The following AP4M1 variants were observed in gnomAD, a reference collection of about 807,000 sequenced individuals.
AP4M1 encodes adaptor related protein complex 4 subunit mu 1.
AP4M1 carries 58 observed loss-of-function variants against 62.4 expected under a neutral mutation model. That is an observed-to-expected ratio of 0.93 (90% CI 0.75 to 1.16). The LOEUF (loss-of-function observed/expected upper bound fraction) is 1.16, where lower values mean the gene tolerates loss of function less well. Among genes scored for constraint, AP4M1 ranks in the 50% most tolerant of loss-of-function variants. The pLI, the probability that AP4M1 is intolerant of heterozygous loss-of-function variation, is 0.00. For missense variants in AP4M1, 626 were observed against 585.4 expected (o/e 1.07, Z -0.72); for synonymous variants, 290 against 239.7 (o/e 1.21, Z -1.94).
At chr7:100,105,150 C>T in intron 9 of AP4M1, 52 bp downstream of exon 9, 1 of 1,612,818 alleles carries the variant, frequency 6.2e-7, no homozygotes, top group Non-Finnish European at 8.5e-7. Flanking sequence ...TGCCAGAGTT[C>T]ATGGAGAGAA....
At position 100,108,634 on chromosome 7, in the gene AP4M1, G is replaced by T. The variant is rs750135146; in HGVS notation, c.*1752G>T. Reference sequence around the variant, plus strand: ...TGACACTCTTGAGAAGAACCTTGGGGATGGGGTAAAAAAGGACATTCCTTA... The same window carrying T: ...TGACACTCTTGAGAAGAACCTTGGGTATGGGGTAAAAAAGGACATTCCTTA... On this transcript the variant is annotated 3_prime_UTR_variant, in exon 15 of 15. Transcript: ENST00000359593. The T allele has an allele frequency of 9.9e-6, 14 of 1,407,904 alleles. No individual in the cohort carries two copies. The highest frequency in any genetic ancestry group is 1.3e-5 in the Non-Finnish European group (14 of 1,044,990). 87.2% of individuals were successfully genotyped at this position (1,407,904 alleles called of 1,614,324 possible).
intron 2 of AP4M1, chr7:100,102,433 G>A: frequency 1.7e-6 from 1 of 582,980 alleles, no homozygotes; most frequent in Non-Finnish European, 3.1e-6. Context: ...GAGTCAATGG[G>A]CGCCAGCAAC....
chr7:100,103,159 A>C, intron 4 of AP4M1, 199 bp downstream of exon 4: 1 of 650,714 alleles, frequency 1.5e-6, no homozygotes, highest in Non-Finnish European at 2.7e-6. Flanking sequence ...GCAGCCTGGA[A>C]CTCCTGGGCT....
upstream of AP4M1, chr7:100,101,393 A>G (rs1187868786): frequency 1.3e-6 from 2 of 1,541,010 alleles, no homozygotes; most frequent in Non-Finnish European, 1.8e-6. Context: ...CGGCCAACCG[A>G]AATTGGCGCG....
chr7:100,104,725 T>A, intron 7 of AP4M1, 149 bp from the exon 8 acceptor site: 1 of 840,940 alleles, frequency 1.2e-6, no homozygotes. Context: ...TAGCTACTTG[T>A]GAGGCTGAGG....
rs11771005 is a variant in AP4M1 at position 100,108,097 on chromosome 7, C to T, written c.*1215C>T. On this transcript the variant is annotated 3_prime_UTR_variant, in exon 15 of 15. Transcript: ENST00000359593. ...GGGTGCGAGGGCCAGGCTGTGGGGC[C>T]TGCGAGAGGGTCAGCGTGGGCCGGG... 3.1e-6 allele frequency: 5 copies of T among 1,608,132 alleles called. No homozygotes were observed. The highest frequency in any genetic ancestry group is 2.7e-5 in the African/African-American group (2 of 74,974).
Position 100,108,082 on chromosome 7 carries a change from G to A in AP4M1, c.*1200G>A, listed in dbSNP as rs1796738454. On this transcript the variant is annotated 3_prime_UTR_variant, in exon 15 of 15. Transcript: ENST00000359593. ...CCTTCAGCAAGCCAGGGGTGCGAGG[G>A]CCAGGCTGTGGGGCCTGCGAGAGGG... is the stretch of plus-strand genomic sequence containing the variant. 6.2e-7 allele frequency: 1 copy of A among 1,610,780 alleles called. No individual in the cohort carries two copies. The highest frequency in any genetic ancestry group is 1.7e-5 in the Admixed American group (1 of 59,376).
At chr7:100,100,977 T>C, upstream of AP4M1, 1 of 944,908 alleles carries the variant, frequency 1.1e-6, no homozygotes, top group Non-Finnish European at 1.5e-6. Flanking sequence ...TGGGCGCGAC[T>C]TTTCCCTGTG....
In AP4M1 at chr7:100,101,787, T is replaced by A. The variant is rs1371390543; in HGVS notation, c.58+15T>A. On this transcript the variant is annotated intron_variant, in intron 1 of 14. Transcript: ENST00000359593. ...CTACAAAGACTGTATCCTAGACCCT[T>A]GGGGCTGGGAAGGGGCGGAGGGGCC... The A allele has an allele frequency of 6.1e-6, 5 of 826,144 alleles. No individual in the cohort carries two copies. Among genetic ancestry groups the A allele is most frequent in the Non-Finnish European group, 9.3e-6 (5 of 535,882 alleles). The allele number at this position is 826,144 out of a possible 1,614,324, so 51.2% of individuals were successfully genotyped here.
chr7:100,103,248 T>C, intron 4 of AP4M1, 161 bp from the exon 5 acceptor site: 1 of 723,508 alleles, frequency 1.4e-6, no homozygotes, highest in South Asian at 1.5e-5. Context: ...CTCACTGTGT[T>C]GCCCAGGCTG....
Position 100,107,192 on chromosome 7 carries a change from G to A in AP4M1, c.*310G>A, listed in dbSNP as rs774262965. The A allele has an allele frequency of 6.6e-7, 1 of 1,519,654 alleles. No individual in the cohort carries two copies. Among genetic ancestry groups the A allele is most frequent in the Non-Finnish European group, 8.8e-7 (1 of 1,136,782 alleles). 94.1% of individuals were successfully genotyped at this position (1,519,654 alleles called of 1,614,324 possible). Reference sequence around the variant, plus strand: ...TTAGCGAGCATGCATGTGTGTACGTGCACGTGTGTACATGTCTGCATGTGT... The same window carrying A: ...TTAGCGAGCATGCATGTGTGTACGTACACGTGTGTACATGTCTGCATGTGT... On this transcript the variant is annotated 3_prime_UTR_variant, in exon 15 of 15. Transcript: ENST00000359593.
rs536273850 is a variant in AP4M1, at chr7:100,108,391, G to A, written c.*1509G>A. On this transcript the variant is annotated 3_prime_UTR_variant, in exon 15 of 15. Transcript: ENST00000359593. ...CCTGCGTGATGGTCAGAGTGGTCCT[G>A]TTGACCTGCTGAGCCTGCAGAGCAG... 1.9e-6 allele frequency: 3 copies of A among 1,611,682 alleles called. No individual in the cohort carries two copies. Among genetic ancestry groups the A allele is most frequent in the Non-Finnish European group, 2.5e-6 (3 of 1,178,308 alleles).
In AP4M1 at chr7:100,108,722, T is replaced by C. The variant is rs1324512065; in HGVS notation, c.*1840T>C. The C allele has an allele frequency of 3.5e-6, 2 of 571,630 alleles. No homozygotes were observed. The highest frequency in any genetic ancestry group is 3.3e-5 in the Admixed American group (1 of 29,928). The allele number at this position is 571,630 out of a possible 1,614,324, so 35.4% of individuals were successfully genotyped here. On this transcript the variant is annotated 3_prime_UTR_variant, in exon 15 of 15. Coordinates refer to ENST00000359593, the MANE Select transcript of AP4M1 (RefSeq NM_004722.4). The stretch of plus-strand genomic sequence containing the variant: ...AACTATTAGTGTGTGTACAGAACAC[T>C]GTGGGCTTTCTCATAAGAAAAGATG...
Position 100,101,944 on chromosome 7 carries a change from A to T in AP4M1, c.123A>T (p.Pro41=). The change falls in exon 2 of 15, where the codon CCA becomes CCT. Residue 41 remains proline (P), a synonymous_variant. Coordinates refer to ENST00000359593, the MANE Select transcript of AP4M1 (RefSeq NM_004722.4). ...ELFYRKLTGL[P]GDESPVVMHH... is the part of the protein sequence containing the mutation. ...TCTACCGGAAGCTGACGGGACTGCC[A>T]GGAGACGAGTCCCCGGTTGTCATGG... 1 of 1,613,230 alleles carries T rather than the reference A, an allele frequency of 6.2e-7. No homozygotes were observed. The highest frequency in any genetic ancestry group is 8.5e-7 in the Non-Finnish European group (1 of 1,179,970).
intron 2 of AP4M1, 102 bp downstream of exon 2, chr7:100,102,070 G>T (rs1266056566): frequency 4.5e-6 from 6 of 1,321,862 alleles, no homozygotes; most frequent in East Asian, 2.4e-5. Context: ...CACTTGGGGG[G>T]TGCATTCCGC....
chr7:100,103,082 T>C (rs1796191703), intron 4 of AP4M1, 122 bp downstream of exon 4: 1 of 777,108 alleles, frequency 1.3e-6, no homozygotes, highest in Admixed American at 2.5e-5. Context: ...TTTTTTTTTT[T>C]GCTTTTAGAG....
Position 100,102,929 on chromosome 7 carries a change from C to A in AP4M1, c.320C>A (p.Ala107Asp). Residue 107 changes from alanine to aspartate, a missense_variant, in exon 4 of 15, where the codon GCT becomes GAT. Coordinates refer to ENST00000359593, the MANE Select transcript of AP4M1 (RefSeq NM_004722.4). ...GAGGGGACCATCTCCCGCAATGTGG[C>A]TCTGGTATACGAACTCCTGGATGAA... ...LGEGTISRNV[A>D]LVYELLDEVL... 6.2e-7 allele frequency: 1 copy of A among 1,614,148 alleles called. No homozygotes were observed. Among genetic ancestry groups the A allele is most frequent in the South Asian group, 1.1e-5 (1 of 91,078 alleles).
chr7:100,104,193 G>C (rs780833098), intron 7 of AP4M1, 39 bp downstream of exon 7: 2 of 1,581,484 alleles, frequency 1.3e-6, no homozygotes, highest in Non-Finnish European at 1.7e-6. Flanking sequence ...GAGGACAGAT[G>C]GGACTTGGGA....
chr7:100,107,962 T>G lies in AP4M1; in HGVS notation c.*1080T>G, dbSNP rs144479010. Reference sequence around the variant, plus strand: ...ATGGGGCGCTGGAGGACGATGACATTACAATAAACTTGGTTGGAGGAGGGG... The same window carrying G: ...ATGGGGCGCTGGAGGACGATGACATGACAATAAACTTGGTTGGAGGAGGGG... On this transcript the variant is annotated 3_prime_UTR_variant, in exon 15 of 15. Coordinates refer to ENST00000359593, the MANE Select transcript of AP4M1 (RefSeq NM_004722.4). 7.9e-5 allele frequency: 127 copies of G among 1,613,756 alleles called. No homozygotes were observed. The African/African-American group carries it at 1.5e-3, about 19-fold the overall frequency.
Sources: gnomAD v4.1 joint callset for allele counts on GRCh38, gnomAD v4.1.1 for gene constraint, MANE v1.5 for transcripts, NCBI Gene and HGNC (gene_info 2026-07-23, HGNC 2026-07-21) for gene names.